The following TOP6BL variants were observed in gnomAD, a reference collection of about 807,000 sequenced individuals.
TOP6BL encodes the protein type 2 DNA topoisomerase 6 subunit B-like.
the TOP6BL span, among the ~76,000 whole-genome samples, chr11:66,810,644 C>T: frequency 2.6e-5 from 4 of 152,160 alleles, no homozygotes. Flanking sequence ...TTGTCTTGTG[C>T]TCAGTAAAGT....
At chr11:66,756,857 T>C in the TOP6BL span, among the ~76,000 whole-genome samples, 2 of 151,972 alleles carry the variant, frequency 1.3e-5, no homozygotes, top group Admixed American at 1.3e-4. Flanking sequence ...ACTACAGGTG[T>C]GTGCCATCAT....
chr11:66,775,112 C>CAAAA, the TOP6BL span, among the ~76,000 whole-genome samples: 20 of 57,914 alleles, frequency 3.5e-4, no homozygotes, highest in Middle Eastern at 0.013. Context: ...GACTCTGTCT[C>CAAAA]AAAAAAAAAA....
the TOP6BL span, among the ~76,000 whole-genome samples, chr11:66,793,314 A>T: frequency 1.3e-5 from 2 of 151,420 alleles, no homozygotes; most frequent in Non-Finnish European, 2.9e-5. Context: ...GCTGGTCTTG[A>T]ACTCCTGACC....
chr11:66,791,102 A>G, the TOP6BL span, among the ~76,000 whole-genome samples: 2 of 152,230 alleles, frequency 1.3e-5, no homozygotes, highest in Non-Finnish European at 2.9e-5. Context: ...TTCATCATGG[A>G]TGCCTCAATT....
the TOP6BL span, among the ~76,000 whole-genome samples, chr11:66,774,671 C>T: frequency 6.6e-6 from 1 of 151,888 alleles, no homozygotes; most frequent in East Asian, 1.9e-4. Flanking sequence ...CAGGGTTTCA[C>T]TGTGTTAGCC....
the TOP6BL span, chr11:66,843,316 G>A: frequency 3.2e-6 from 5 of 1,540,610 alleles, no homozygotes; most frequent in Non-Finnish European, 3.5e-6. Context: ...GCTGCCGCGC[G>A]CTCACCAAGT....
chr11:66,778,322 C>G, the TOP6BL span, among the ~76,000 whole-genome samples: 1 of 152,066 alleles, frequency 6.6e-6, no homozygotes. Context: ...GCCATTGTTT[C>G]AAGATGCTCA....
the TOP6BL span, among the ~76,000 whole-genome samples, chr11:66,786,503 ATGTT>A: frequency 6.6e-6 from 1 of 152,114 alleles, no homozygotes; most frequent in South Asian, 2.1e-4. Context: ...CTGGATTTGT[ATGTT>A]TGTGTGTGTG....
the TOP6BL span, chr11:66,821,616 A>T: frequency 6.3e-7 from 1 of 1,575,552 alleles, no homozygotes; most frequent in African/African-American, 1.3e-5. Flanking sequence ...AGATATAGTG[A>T]TAATTTTACC....
chr11:66,765,442 A>G, the TOP6BL span, among the ~76,000 whole-genome samples: 1 of 152,230 alleles, frequency 6.6e-6, no homozygotes, highest in Non-Finnish European at 1.5e-5. Context: ...AGCCAACTGT[A>G]GCCTAAGTCT....
At chr11:66,822,878 C>T in the TOP6BL span, among the ~76,000 whole-genome samples, 1 of 151,980 alleles carries the variant, frequency 6.6e-6, no homozygotes, top group African/African-American at 2.4e-5. Context: ...GTGGTGCACA[C>T]CTGTGGTTCC....
the TOP6BL span, among the ~76,000 whole-genome samples, chr11:66,759,250 AT>A: frequency 6.6e-6 from 1 of 152,182 alleles, no homozygotes; most frequent in Non-Finnish European, 1.5e-5. Context: ...ATAAATAATA[AT>A]TTTTTTAACA....
At chr11:66,752,142 CTTTTT>C in the TOP6BL span, among the ~76,000 whole-genome samples, 1 of 137,910 alleles carries the variant, frequency 7.3e-6, no homozygotes, top group Non-Finnish European at 1.6e-5. Flanking sequence ...CCCTCTCTCT[CTTTTT>C]TTTTTTTTTT....
chr11:66,754,011 G>T, the TOP6BL span, among the ~76,000 whole-genome samples: 1 of 152,180 alleles, frequency 6.6e-6, no homozygotes, highest in Non-Finnish European at 1.5e-5. Context: ...GGCCAACCAG[G>T]ACTTAGTCTT....
chr11:66,832,454 T>C, the TOP6BL span, among the ~76,000 whole-genome samples: 1 of 152,230 alleles, frequency 6.6e-6, no homozygotes, highest in African/African-American at 2.4e-5. Flanking sequence ...CTGCATCTGC[T>C]CTGCCCCTTG....
chr11:66,788,347 G>A, the TOP6BL span: 1 of 1,112,220 alleles, frequency 9.0e-7, no homozygotes, highest in Non-Finnish European at 1.3e-6. Context: ...AGAAAGAAAA[G>A]CCTAGGTCCA....
the TOP6BL span, among the ~76,000 whole-genome samples, chr11:66,835,005 A>G: frequency 1.5e-5 from 2 of 132,760 alleles, no homozygotes; most frequent in South Asian, 5.1e-4. Context: ...CAATTTTCTA[A>G]GGAAAGGCAT....
chr11:66,830,806 A>G, the TOP6BL span, among the ~76,000 whole-genome samples: 1 of 152,244 alleles, frequency 6.6e-6, no homozygotes, highest in South Asian at 2.1e-4. Flanking sequence ...TACGAAGCCC[A>G]CTCAAGAAGA....
At chr11:66,786,479 T>G in the TOP6BL span, among the ~76,000 whole-genome samples, 1 of 152,226 alleles carries the variant, frequency 6.6e-6, no homozygotes, top group African/African-American at 2.4e-5. Context: ...TACATTTAAC[T>G]GTAGTCAACC....
Sources: gnomAD v4.1 joint callset for allele counts (sites outside exome capture counted in the v4.1 genomes callset) on GRCh38, gnomAD v4.1.1 for gene constraint, MANE v1.5 for transcripts, NCBI Gene and HGNC (gene_info 2026-07-23, HGNC 2026-07-21) for gene names.